Variants in CDC42SE2 observed in about 807,000 individuals in gnomAD.
CDC42SE2 encodes CDC42 small effector 2, also known as CDC42 small effector protein 2.
A neutral mutation model predicts 11.5 loss-of-function variants in CDC42SE2; 3 were observed. The observed-to-expected ratio is 0.26, with a 90% confidence interval of 0.12 to 0.67. The LOEUF (loss-of-function observed/expected upper bound fraction) is 0.67, where lower values mean the gene tolerates loss of function less well. Among genes scored for constraint, CDC42SE2 ranks in the 30% least tolerant of loss-of-function variants. The pLI is 0.80. For synonymous variants in CDC42SE2, 33 were observed against 34.8 expected, an observed-to-expected ratio of 0.95 and a Z score of 0.18; for missense variants, 82 against 106.8, an observed-to-expected ratio of 0.77 and a Z score of 1.02.
rs1487885128 is a variant in CDC42SE2 at position 131,392,517 on chromosome 5, G to T, written c.*1426G>T. The T allele has an allele frequency of 2.6e-5, 4 of 151,884 alleles. No homozygotes were observed. Among genetic ancestry groups the T allele is most frequent in the African/African-American group, 9.7e-5 (4 of 41,412 alleles). The allele number at this position is 151,884 out of a possible 1,614,324, so 9.4% of individuals were successfully genotyped here. A position where few individuals can be genotyped will look rare whatever the true frequency, so the allele number is the denominator to read the frequency against. ...CTTATTTTAGAAGTATGACCTTTTG[G>T]TCTGTTTGATTGATTGATTAGAATT... On this transcript the variant is annotated 3_prime_UTR_variant, in exon 5 of 5. Coordinates refer to ENST00000505065, the MANE Select transcript of CDC42SE2 (RefSeq NM_001375635.1).
upstream of CDC42SE2, among the ~76,000 whole-genome samples, chr5:131,243,536 A>G (rs1229331206): frequency 1.3e-5 from 2 of 152,214 alleles, no homozygotes; most frequent in Non-Finnish European, 2.9e-5. Context: ...CTGTGAGCCG[A>G]GATCGCGCCA....
At chr5:131,221,094 C>G in the CDC42SE2 span, among the ~76,000 whole-genome samples, 1 of 151,976 alleles carries the variant, frequency 6.6e-6, no homozygotes, top group Non-Finnish European at 1.5e-5. Flanking sequence ...CCATGTTGAC[C>G]AGGCTGGTCT....
intron 1 of CDC42SE2, among the ~76,000 whole-genome samples, chr5:131,312,954 T>G (rs1202708434): frequency 1.3e-5 from 2 of 152,088 alleles, no homozygotes; most frequent in African/African-American, 4.8e-5. Flanking sequence ...TTCGGCCATC[T>G]TGGCTCCTCC....
chr5:131,367,648 A>G (rs542674276), intron 3 of CDC42SE2, among the ~76,000 whole-genome samples: 35 of 152,334 alleles, frequency 2.3e-4, no homozygotes, highest in African/African-American at 8.4e-4. Context: ...TGTGAAAGAC[A>G]TGCCTGTTCA....
intron 1 of CDC42SE2, among the ~76,000 whole-genome samples, chr5:131,266,460 CTT>C (rs913283936): frequency 3.9e-5 from 5 of 128,198 alleles, no homozygotes; most frequent in African/African-American, 8.3e-5. Flanking sequence ...TTTTTTTTTT[CTT>C]TTTTTTTTTT....
chr5:131,295,634 C>G (rs970998310), intron 1 of CDC42SE2, among the ~76,000 whole-genome samples: 1 of 151,548 alleles, frequency 6.6e-6, no homozygotes, highest in Non-Finnish European at 1.5e-5. Context: ...ATGTTTCTCT[C>G]TGGAGCGGGG....
intron 1 of CDC42SE2, among the ~76,000 whole-genome samples, chr5:131,300,926 A>G (rs1240248044): frequency 1.3e-5 from 2 of 152,242 alleles, no homozygotes; most frequent in African/African-American, 4.8e-5. Context: ...TATGTCAAGC[A>G]TTGTAATAAG....
chr5:131,306,870 T>C (rs1757789061), intron 1 of CDC42SE2, among the ~76,000 whole-genome samples: 1 of 152,114 alleles, frequency 6.6e-6, no homozygotes, highest in African/African-American at 2.4e-5. Context: ...TAGAATTGAT[T>C]TCTTAATTTT....
chr5:131,369,067 G>C (rs181016587), intron 3 of CDC42SE2, among the ~76,000 whole-genome samples: 1 of 152,256 alleles, frequency 6.6e-6, no homozygotes, highest in Non-Finnish European at 1.5e-5. Context: ...AGGAACTGCT[G>C]TCCTGATTTT....
intron 2 of CDC42SE2, among the ~76,000 whole-genome samples, chr5:131,351,407 A>G (rs1324378000): frequency 1.3e-5 from 2 of 152,132 alleles, no homozygotes; most frequent in Non-Finnish European, 1.5e-5. Flanking sequence ...GGTGCCTGCC[A>G]CCACGCCCAG....
intron 2 of CDC42SE2, among the ~76,000 whole-genome samples, chr5:131,337,513 T>G (rs982861481): frequency 2.6e-5 from 4 of 152,234 alleles, no homozygotes; most frequent in Non-Finnish European, 5.9e-5. Flanking sequence ...CAGAGACATT[T>G]AAGTCTGCAG....
At chr5:131,380,910 T>C (rs774091226) in intron 3 of CDC42SE2, among the ~76,000 whole-genome samples, 9 of 152,182 alleles carry the variant, frequency 5.9e-5, no homozygotes, top group Non-Finnish European at 1.3e-4. Flanking sequence ...GCGTGTCTTC[T>C]CCTCCTATTA....
At chr5:131,292,665 G>C (rs1757483561) in intron 1 of CDC42SE2, among the ~76,000 whole-genome samples, 1 of 151,680 alleles carries the variant, frequency 6.6e-6, no homozygotes, top group South Asian at 2.1e-4. Flanking sequence ...TTGGGAGGCT[G>C]AGGTTGGCAG....
intron 1 of CDC42SE2, among the ~76,000 whole-genome samples, chr5:131,277,612 A>G (rs984153694): frequency 2.0e-5 from 3 of 152,194 alleles, no homozygotes; most frequent in African/African-American, 4.8e-5. Context: ...ACTCTGGCCA[A>G]GTTAGTCTGT....
intron 1 of CDC42SE2, among the ~76,000 whole-genome samples, chr5:131,282,358 A>T (rs945911386): frequency 2.0e-5 from 3 of 152,222 alleles, no homozygotes; most frequent in Non-Finnish European, 4.4e-5. Flanking sequence ...GTAATAAACA[A>T]TAGCAAGTTT....
At chr5:131,282,053 G>C (rs1474164250) in intron 1 of CDC42SE2, among the ~76,000 whole-genome samples, 1 of 152,160 alleles carries the variant, frequency 6.6e-6, no homozygotes, top group East Asian at 1.9e-4. Context: ...GTATAACCCA[G>C]GTAGTGATCT....
At chr5:131,281,538 A>G (rs1398517714) in intron 1 of CDC42SE2, among the ~76,000 whole-genome samples, 1 of 152,216 alleles carries the variant, frequency 6.6e-6, no homozygotes, top group Admixed American at 6.5e-5. Flanking sequence ...TTTGCTGTTG[A>G]AAAAATAGTA....
chr5:131,270,237 T>C (rs1432155016), intron 1 of CDC42SE2, among the ~76,000 whole-genome samples: 2 of 151,362 alleles, frequency 1.3e-5, no homozygotes, highest in East Asian at 3.9e-4. Flanking sequence ...TATCCGGGCG[T>C]GGTGGCAGGC....
chr5:131,214,242 A>G, the CDC42SE2 span, among the ~76,000 whole-genome samples: 1 of 152,176 alleles, frequency 6.6e-6, no homozygotes, highest in Non-Finnish European at 1.5e-5. Context: ...GTGTGGTGAC[A>G]TGTGCCTGTA....
Sources: allele counts gnomAD v4.1 joint callset (sites outside exome capture counted in the v4.1 genomes callset), GRCh38; gene constraint gnomAD v4.1.1; transcripts MANE v1.5; gene names NCBI Gene and HGNC (gene_info 2026-07-23, HGNC 2026-07-21).